CPLANE1: variants seen among roughly 807,000 people sequenced by gnomAD.
CPLANE1 encodes the protein ciliogenesis and planar polarity effector 1.
In CPLANE1, 263 loss-of-function variants were observed where a neutral mutation model predicts 362.5. That is an observed-to-expected ratio of 0.73 (90% CI 0.66 to 0.80). The LOEUF (loss-of-function observed/expected upper bound fraction) is 0.80, where lower values mean the gene tolerates loss of function less well. CPLANE1 is among the 30% of genes least tolerant of loss of function. The probability of loss-of-function intolerance (pLI) is 0.00; values close to 1 mark genes in which losing one functional copy is unlikely to be tolerated. For synonymous variants in CPLANE1, 1,212 were observed against 1,302.6 expected (o/e 0.93, Z 1.50); for missense variants, 3,461 against 3,793.4 (o/e 0.91, Z 2.30).
Position 37,184,976 on chromosome 5 carries a change from CA to C in CPLANE1, c.4292del (p.Val1431GlyfsTer27), listed in dbSNP as rs1783598395. The C allele has an allele frequency of 1.2e-6, 2 of 1,614,086 alleles. No individual in the cohort carries two copies. The highest frequency in any genetic ancestry group is 1.7e-6 in the Non-Finnish European group (2 of 1,179,974). ...CTTCTTCAATTGGTTCCCATATATT[CA>C]CTTCAAAAGAGCCTATATTTCTCTG... is the stretch of plus-strand genomic sequence containing the variant. The part of the protein sequence containing the change: ...RVQRNIGSFE[V>X]NIWEPIEEEK... On this transcript the variant is annotated frameshift_variant, in exon 25 of 53. Coordinates refer to ENST00000651892, the MANE Select transcript of CPLANE1 (RefSeq NM_001384732.1).
At chr5:37,147,860 C>T (rs1346294076) in intron 43 of CPLANE1, among the ~76,000 whole-genome samples, 1 of 150,714 alleles carries the variant, frequency 6.6e-6, no homozygotes, top group East Asian at 2.0e-4. Flanking sequence ...GCACAAAGCT[C>T]TGTGCAATCC....
chr5:37,187,719 G>T lies in CPLANE1; in HGVS notation c.3921+14C>A, dbSNP rs1784448716. 1 of 1,597,460 alleles carries T rather than the reference G, an allele frequency of 6.3e-7. No individual in the cohort carries two copies. The highest frequency in any genetic ancestry group is 1.3e-5 in the African/African-American group (1 of 74,262). The stretch of plus-strand genomic sequence containing the variant: ...ACGTGTGTTCATTTTTCTTATTTTT[G>T]CCCTGGTAAATACCTTTTCTCCTTT... On this transcript the variant is annotated intron_variant, in intron 22 of 52. Coordinates refer to ENST00000651892, the MANE Select transcript of CPLANE1 (RefSeq NM_001384732.1).
chr5:37,172,883 G>A (rs1240647744), intron 32 of CPLANE1, among the ~76,000 whole-genome samples: 2 of 152,190 alleles, frequency 1.3e-5, no homozygotes, highest in African/African-American at 4.8e-5. Context: ...CTACTCAGGA[G>A]GCTGAGGCAG....
intron 4 of CPLANE1, among the ~76,000 whole-genome samples, chr5:37,245,045 G>A (rs1413286471): frequency 3.3e-5 from 5 of 151,702 alleles, no homozygotes; most frequent in Non-Finnish European, 5.9e-5. Context: ...CCAGCTACTC[G>A]GGAGGCTGAG....
intron 1 of CPLANE1, among the ~76,000 whole-genome samples, 179 bp downstream of exon 1, chr5:37,249,066 G>C (rs560089684): frequency 3.2e-4 from 48 of 152,352 alleles, no homozygotes; most frequent in Middle Eastern, 6.8e-3. Context: ...GAGCGAGGAC[G>C]GGCCCGGACT....
intron 44 of CPLANE1, chr5:37,139,685 G>C (rs1769065107): frequency 2.7e-6 from 1 of 372,366 alleles, no homozygotes; most frequent in African/African-American, 2.2e-5. Context: ...TGAATGGCTG[G>C]GATTACAGGT....
At chr5:37,247,476 G>T in intron 2 of CPLANE1, 142 bp downstream of exon 2, 1 of 610,458 alleles carries the variant, frequency 1.6e-6, no homozygotes, top group Non-Finnish European at 2.7e-6. Flanking sequence ...TGTTCAGTGT[G>T]CAGGTAGGTG....
At chr5:37,167,462 C>T (rs1778573884) in intron 34 of CPLANE1, among the ~76,000 whole-genome samples, 2 of 152,172 alleles carry the variant, frequency 1.3e-5, no homozygotes, top group South Asian at 2.1e-4. Flanking sequence ...TTCTCAACTT[C>T]CTAATTTCAT....
the CPLANE1 span, among the ~76,000 whole-genome samples, chr5:37,096,688 A>G: frequency 6.6e-6 from 1 of 152,214 alleles, no homozygotes; most frequent in Admixed American, 6.5e-5. Context: ...CAGAATCTAC[A>G]ATGAACTCAA....
chr5:37,164,071 A>G (rs948265763), intron 37 of CPLANE1, among the ~76,000 whole-genome samples: 2 of 152,212 alleles, frequency 1.3e-5, no homozygotes, highest in Non-Finnish European at 2.9e-5. Flanking sequence ...AATTGTAATC[A>G]TAAGTAAAGT....
intron 47 of CPLANE1, chr5:37,125,004 C>T (rs1305795089): frequency 2.4e-6 from 3 of 1,265,144 alleles, no homozygotes; most frequent in Non-Finnish European, 3.0e-6. Flanking sequence ...ATGCTATAGC[C>T]ATCATTAGCC....
Position 37,175,350 on chromosome 5 carries a change from G to A in CPLANE1, c.5978+559C>T, listed in dbSNP as rs140789872. ...TCTGGGTATGAGGACTCATGCAGAC[G>A]CAACAACATTTTGTGAAGAAGGTCT... On this transcript the variant is annotated intron_variant, in intron 31 of 52. Coordinates refer to ENST00000651892, the MANE Select transcript of CPLANE1 (RefSeq NM_001384732.1). Among the ~76,000 whole-genome samples the A allele has an allele frequency of 1.8e-4, 27 of 152,296 alleles. No individual in the cohort carries two copies. In the East Asian group the frequency reaches 4.2e-3, roughly 24 times the overall value.
intron 52 of CPLANE1, among the ~76,000 whole-genome samples, 154 bp downstream of exon 52, chr5:37,108,139 G>A (rs1758060323): frequency 6.6e-6 from 1 of 152,238 alleles, no homozygotes; most frequent in African/African-American, 2.4e-5. Flanking sequence ...CAAAAGGGAA[G>A]ATGCTTTGCA....
chr5:37,223,897 A>G (rs977260494), intron 14 of CPLANE1, among the ~76,000 whole-genome samples: 110 of 152,224 alleles, frequency 7.2e-4, no homozygotes, highest in African/African-American at 2.6e-3. Flanking sequence ...TCTAAATCTC[A>G]TTTTTCCCAT....
the CPLANE1 span, among the ~76,000 whole-genome samples, chr5:37,086,618 GCT>G: frequency 4.6e-5 from 7 of 152,274 alleles, no homozygotes; most frequent in East Asian, 1.4e-3. Flanking sequence ...GCAGGATAAC[GCT>G]CTGTGGGGAG....
intron 42 of CPLANE1, 143 bp from the exon 43 acceptor site, chr5:37,148,411 G>C (rs1772399982): frequency 4.0e-6 from 2 of 501,174 alleles, no homozygotes; most frequent in Non-Finnish European, 6.8e-6. Flanking sequence ...CTAAATGGTA[G>C]GGATCAATAA....
chr5:37,212,398 G>C (rs1043433437), intron 16 of CPLANE1: 2 of 786,694 alleles, frequency 2.5e-6, no homozygotes, highest in Non-Finnish European at 4.7e-6. Context: ...TTGCTGCCCA[G>C]CTTCTAACTT....
rs767282324 is a variant in CPLANE1, at chr5:37,198,843, T to C, written c.3531A>G (p.Leu1177=). 43 of 1,613,828 alleles carry C rather than the reference T, an allele frequency of 2.7e-5. No homozygotes were observed. Among genetic ancestry groups the C allele is most frequent in the Non-Finnish European group, 3.4e-5 (40 of 1,179,966 alleles). ...LSEEDGDDLL[L]KAEKNNRQKV... is the part of the protein sequence containing the mutation. The stretch of plus-strand genomic sequence containing the variant: ...TCTGGCGATTATTTTTTTCAGCTTT[T>C]AAAAGAAGATCATCACCATCTTCCT... The change falls in exon 20 of 53, where the codon TTA becomes TTG. Residue 1177 remains leucine (L), a synonymous_variant. Coordinates refer to ENST00000651892, the MANE Select transcript of CPLANE1 (RefSeq NM_001384732.1).
chr5:37,084,541 A>T, the CPLANE1 span, among the ~76,000 whole-genome samples: 1 of 152,116 alleles, frequency 6.6e-6, no homozygotes, highest in African/African-American at 2.4e-5. Context: ...GCACTTTGGG[A>T]GGCCGAGTCG....
Sources: gnomAD v4.1 joint callset for allele counts (sites outside exome capture counted in the v4.1 genomes callset) on GRCh38, gnomAD v4.1.1 for gene constraint, MANE v1.5 for transcripts, NCBI Gene and HGNC (gene_info 2026-07-23, HGNC 2026-07-21) for gene names.